SWAP70: variants seen among roughly 807,000 people sequenced by gnomAD.
SWAP70 encodes the protein switch-associated protein 70.
In SWAP70, 34 loss-of-function variants were observed where a neutral mutation model predicts 80.2. That is an observed-to-expected ratio of 0.42 (90% CI 0.32 to 0.56). The LOEUF (loss-of-function observed/expected upper bound fraction) is 0.56. Among genes scored for constraint, SWAP70 ranks in the 20% least tolerant of loss-of-function variants. SWAP70 has a pLI of 0.09. For missense variants in SWAP70, 578 were observed against 690.7 expected, an observed-to-expected ratio of 0.84 and a Z score of 1.83; for synonymous variants, 239 against 238.5, an observed-to-expected ratio of 1.00 and a Z score of -0.02.
chr11:9,680,597 G>T (rs1051035891), intron 1 of SWAP70, among the ~76,000 whole-genome samples: 1 of 152,022 alleles, frequency 6.6e-6, no homozygotes, highest in African/African-American at 2.4e-5. Flanking sequence ...TGTGTTTTTA[G>T]TAGAGAAAGG....
intron 9 of SWAP70, chr11:9,741,347 A>G (rs967141786): frequency 6.6e-6 from 1 of 152,228 alleles, no homozygotes; most frequent in African/African-American, 2.4e-5. Context: ...AAAATTAAGC[A>G]TGTAGCATAT....
chr11:9,688,073 T>C (rs1461117914), intron 1 of SWAP70, among the ~76,000 whole-genome samples: 1 of 151,952 alleles, frequency 6.6e-6, no homozygotes, highest in Non-Finnish European at 1.5e-5. Context: ...AGGCCAAGTC[T>C]CAGGCCACAG....
intron 2 of SWAP70, among the ~76,000 whole-genome samples, chr11:9,700,526 A>C (rs1376853700): frequency 6.6e-6 from 1 of 152,242 alleles, no homozygotes; most frequent in African/African-American, 2.4e-5. Flanking sequence ...TCATGTATAC[A>C]TACTGTCTCA....
chr11:9,724,474 T>TA (rs1282809362), intron 3 of SWAP70, among the ~76,000 whole-genome samples, 184 bp from the exon 4 acceptor site: 1 of 152,250 alleles, frequency 6.6e-6, no homozygotes, highest in African/African-American at 2.4e-5. Context: ...TCTGCACTAA[T>TA]ACAGACCAGT....
chr11:9,734,961 G>A (rs1184729624), intron 7 of SWAP70, among the ~76,000 whole-genome samples: 1 of 152,100 alleles, frequency 6.6e-6, no homozygotes, highest in Non-Finnish European at 1.5e-5. Context: ...TTACATATCT[G>A]TGGGTTTCTT....
In SWAP70 at chr11:9,751,637, A is replaced by G. The variant is rs1462512861; in HGVS notation, c.*1667A>G. On this transcript the variant is annotated 3_prime_UTR_variant, in exon 12 of 12. Transcript: ENST00000318950. ...TAAGAAAGCAATTCCAAATAGATGT[A>G]TACATCTAGAGAGAGTGGTATTAGA... is the stretch of plus-strand genomic sequence containing the variant. 2.0e-5 allele frequency: 3 copies of G among 152,246 alleles called. No homozygotes were observed. Among genetic ancestry groups the G allele is most frequent in the African/African-American group, 7.2e-5 (3 of 41,470 alleles). 9.4% of individuals were successfully genotyped at this position (152,246 alleles called of 1,614,324 possible).
chr11:9,672,195 C>CTATGTATATATATATATATATATATATA (rs530619499), intron 1 of SWAP70, among the ~76,000 whole-genome samples: 1 of 78,438 alleles, frequency 1.3e-5, no homozygotes, highest in Non-Finnish European at 2.3e-5. Flanking sequence ...ATGTGTGTGT[C>CTATGTATATATATATATATATATATATA]TATATATATA....
At chr11:9,720,055 AAT>A in intron 3 of SWAP70, 1 of 985,308 alleles carries the variant, frequency 1.0e-6, no homozygotes, top group Non-Finnish European at 1.2e-6. Flanking sequence ...CCTGAAACTG[AAT>A]GAGCTCTTAG....
chr11:9,719,907 C>T (rs1410672514), intron 3 of SWAP70, among the ~76,000 whole-genome samples: 1 of 152,102 alleles, frequency 6.6e-6, no homozygotes, highest in African/African-American at 2.4e-5. Flanking sequence ...TAAAATGCCC[C>T]TTATTAATGA....
At chr11:9,726,805 G>C (rs947289593) in intron 4 of SWAP70, 1 of 450,534 alleles carries the variant, frequency 2.2e-6, no homozygotes, top group African/African-American at 2.0e-5. Context: ...ACACACCTTT[G>C]AGGCCAGTCT....
chr11:9,671,732 ATG>A (rs1462449260), intron 1 of SWAP70, among the ~76,000 whole-genome samples: 1 of 85,290 alleles, frequency 1.2e-5, no homozygotes, highest in African/African-American at 4.1e-5. Flanking sequence ...ATATATTTCT[ATG>A]TATACATAGA....
At chr11:9,699,029 CAT>C (rs1415261570) in intron 2 of SWAP70, among the ~76,000 whole-genome samples, 1 of 152,064 alleles carries the variant, frequency 6.6e-6, no homozygotes, top group Non-Finnish European at 1.5e-5. Flanking sequence ...AGAAAAACCA[CAT>C]GATAATGAAA....
chr11:9,697,292 TC>T (rs2134451355), intron 2 of SWAP70, among the ~76,000 whole-genome samples: 1 of 151,410 alleles, frequency 6.6e-6, no homozygotes, highest in Admixed American at 6.6e-5. Context: ...TTTTTGAGAT[TC>T]TTTTTTTTTT....
intron 4 of SWAP70, among the ~76,000 whole-genome samples, chr11:9,725,545 A>G (rs1851201649): frequency 2.1e-4 from 2 of 9,614 alleles, no homozygotes; most frequent in Non-Finnish European, 4.9e-4. Context: ...ATATATATAT[A>G]TATATATATA....
chr11:9,700,040 A>G (rs1205692354), intron 2 of SWAP70, among the ~76,000 whole-genome samples: 1 of 152,068 alleles, frequency 6.6e-6, no homozygotes, highest in East Asian at 1.9e-4. Context: ...AACATGGTTT[A>G]ATATCTTGAA....
Position 9,678,482 on chromosome 11 carries a change from T to G in SWAP70, c.99+14204T>G, listed in dbSNP as rs566088210. ...GAGATAACTTGGACATTTTTATGTTTTTTTTTTTTTTTGGGAAATACATGT... is the reference window on the plus strand; with the variant it reads ...GAGATAACTTGGACATTTTTATGTTGTTTTTTTTTTTTGGGAAATACATGT... On this transcript the variant is annotated intron_variant, in intron 1 of 11. Transcript: ENST00000318950. 6.6e-3 allele frequency among the ~76,000 whole-genome samples: 991 copies of G among 149,502 alleles called. 15 individuals are homozygous for G. Among genetic ancestry groups the G allele is most frequent in the African/African-American group, 0.023 (932 of 41,192 alleles).
chr11:9,744,742 T>C (rs1191451937), intron 9 of SWAP70, among the ~76,000 whole-genome samples: 2 of 152,076 alleles, frequency 1.3e-5, no homozygotes, highest in Non-Finnish European at 2.9e-5. Context: ...ACCCTGTCTC[T>C]ACTAAAAATA....
chr11:9,732,754 G>A (rs1477963408), intron 7 of SWAP70, 44 bp downstream of exon 7: 1 of 1,497,358 alleles, frequency 6.7e-7, no homozygotes, highest in Admixed American at 2.5e-5. Context: ...TCATTCCCCT[G>A]CAGAAGCCAT....
In SWAP70 at chr11:9,750,411, C is replaced by T. The variant is rs906322359; in HGVS notation, c.*441C>T. On this transcript the variant is annotated 3_prime_UTR_variant, in exon 12 of 12. Coordinates refer to ENST00000318950, the MANE Select transcript of SWAP70 (RefSeq NM_015055.4). ...CTTTTAACTCTTCTTCCTTCTGTGC[C>T]TCTCTAAGTGGGTCAGTATCCTAAG... is the stretch of plus-strand genomic sequence containing the variant. 5 of 154,046 alleles carry T rather than the reference C, an allele frequency of 3.2e-5. No individual in the cohort carries two copies. The highest frequency in any genetic ancestry group is 7.2e-5 in the Non-Finnish European group (5 of 69,192). The allele number at this position is 154,046 out of a possible 1,614,324, so 9.5% of individuals were successfully genotyped here. A position where few individuals can be genotyped will look rare whatever the true frequency, so the allele number is the denominator to read the frequency against.
Sources: gnomAD v4.1 joint callset for allele counts (sites outside exome capture counted in the v4.1 genomes callset) on GRCh38, gnomAD v4.1.1 for gene constraint, MANE v1.5 for transcripts, NCBI Gene and HGNC (gene_info 2026-07-23, HGNC 2026-07-21) for gene names.